Variants in TMCC1 observed in about 807,000 individuals in gnomAD.
TMCC1 encodes the protein transmembrane and coiled-coil domain family 1.
TMCC1 carries 15 observed loss-of-function variants against 52.4 expected under a neutral mutation model. The ratio of observed to expected loss-of-function variants is 0.29; its 90% CI spans 0.19 to 0.44. The LOEUF is 0.44. TMCC1 is among the 20% of genes least tolerant of loss of function. TMCC1 has a pLI of 1.00. For synonymous variants in TMCC1, 279 were observed against 301.9 expected (o/e 0.92, Z 0.79); for missense variants, 503 against 806.0 (o/e 0.62, Z 4.55).
intron 2 of TMCC1, among the ~76,000 whole-genome samples, chr3:129,846,892 AAAG>A (rs1344914968): frequency 1.3e-4 from 18 of 142,780 alleles, no homozygotes; most frequent in Non-Finnish European, 2.2e-4. Flanking sequence ...AAAAAAAAAA[AAAG>A]GGCAGGAGGA....
chr3:129,779,398 T>C (rs575603855), intron 4 of TMCC1, among the ~76,000 whole-genome samples: 172 of 152,304 alleles, frequency 1.1e-3, no homozygotes, highest in African/African-American at 3.6e-3. Flanking sequence ...CATTATCTCT[T>C]TCTCCAGGTG....
Position 129,671,175 on chromosome 3 carries a change from A to T in TMCC1, c.666T>A (p.Asp222Glu). 4 of 1,614,166 alleles carry T rather than the reference A, an allele frequency of 2.5e-6. No homozygotes were observed. The highest frequency in any genetic ancestry group is 3.4e-6 in the Non-Finnish European group (4 of 1,180,020). Residue 222 changes from aspartate (D) to glutamate (E), a missense_variant, in exon 5 of 7, where the codon GAT becomes GAA. Asp to Glu is a conservative substitution (Grantham distance 45, BLOSUM62 2). This residue lies in a region of TMCC1 where 217 missense variants were observed against 297.9 expected (regional missense o/e 0.73). Transcript: ENST00000393238. ...TDGSIHTDSV[D>E]GTPDPQRTKA... ...TTGTGCGCTGAGGGTCTGGTGTTCC[A>T]TCCACAGAGTCTGTGTGGATGCTGC...
rs192427336 is a variant in TMCC1 at position 129,652,574 on chromosome 3, T to G, written c.1648-779A>C. ...AGGCCATGCCAGACAAGGTTAAATC[T>G]CACCCTATAAACCATAAAATCTCAT... On this transcript the variant is annotated intron_variant, in intron 6 of 6. Transcript: ENST00000393238. Among the ~76,000 whole-genome samples the G allele has an allele frequency of 1.1e-4, 16 of 152,316 alleles. No individual in the cohort carries two copies. In the East Asian group the frequency reaches 2.9e-3, roughly 28 times the overall value.
intron 3 of TMCC1, among the ~76,000 whole-genome samples, chr3:129,829,445 T>A: frequency 9.2e-5 from 1 of 10,818 alleles, no homozygotes. Context: ...GTTACTAAAA[T>A]CACATGCAAA....
At chr3:129,846,082 CAT>C (rs1472264444) in intron 2 of TMCC1, among the ~76,000 whole-genome samples, 3 of 151,694 alleles carry the variant, frequency 2.0e-5, no homozygotes, top group Non-Finnish European at 4.4e-5. Flanking sequence ...CATCATGTGA[CAT>C]ATGTGGGGGC....
In TMCC1 at chr3:129,893,601, A is replaced by G. The variant is rs1005913884; in HGVS notation, c.-542T>C. The G allele has an allele frequency of 1.7e-5, 2 of 114,568 alleles. No homozygotes were observed. Among genetic ancestry groups the G allele is most frequent in the African/African-American group, 6.6e-5 (2 of 30,234 alleles). The allele number at this position is 114,568 out of a possible 1,614,324, so 7.1% of individuals were successfully genotyped here. On this transcript the variant is annotated 5_prime_UTR_variant, in exon 1 of 7. Coordinates refer to ENST00000393238, the MANE Select transcript of TMCC1 (RefSeq NM_001017395.5). ...CGCACCCGGTCCATCCCCCACAACCACCCCCCCCTCCCGACCCTCCCCCCG... is the reference window on the plus strand; with the variant it reads ...CGCACCCGGTCCATCCCCCACAACCGCCCCCCCCTCCCGACCCTCCCCCCG...
In TMCC1 at chr3:129,828,026, C is replaced by T. The variant is rs1377561223; in HGVS notation, c.353G>A (p.Gly118Glu). 6.2e-7 allele frequency: 1 copy of T among 1,614,144 alleles called. No individual in the cohort carries two copies. Among genetic ancestry groups the T allele is most frequent in the East Asian group, 2.2e-5 (1 of 44,888 alleles). ...GCCCCGCCTACTATGCAAGCTTGTCCCTCTCTTCATCTTGGGTGGCACTCG... is the reference window on the plus strand; with the variant it reads ...GCCCCGCCTACTATGCAAGCTTGTCTCTCTCTTCATCTTGGGTGGCACTCG... ...QIRVPPKMKR[G>E]TSLHSRRGKP... The change falls in exon 4 of 7, where the codon GGG becomes GAG. Residue 118 changes from glycine (G) to glutamate (E), a missense_variant. Around this residue, in one of 7 missense-constraint regions of TMCC1, gnomAD observed 217 missense variants for 297.9 expected, o/e 0.73. Coordinates refer to ENST00000393238, the MANE Select transcript of TMCC1 (RefSeq NM_001017395.5). The surrounding 1 kb of genome is among the most constrained non-coding windows in gnomAD (Gnocchi z 4.1).
intron 4 of TMCC1, among the ~76,000 whole-genome samples, chr3:129,712,141 C>T (rs1232797879): frequency 6.6e-6 from 1 of 152,018 alleles, no homozygotes; most frequent in Non-Finnish European, 1.5e-5. Flanking sequence ...CACACCACTG[C>T]ACTCCAGGCT....
chr3:129,818,600 T>C lies in TMCC1; in HGVS notation c.576+9203A>G, dbSNP rs533754221. Reference sequence around the variant, plus strand: ...TAAAGAAACTTTTAAAGAAAAGTTTTAAAGAAACTTTTAAAGAAAAGTTTT... The same window carrying C: ...TAAAGAAACTTTTAAAGAAAAGTTTCAAAGAAACTTTTAAAGAAAAGTTTT... On this transcript the variant is annotated intron_variant, in intron 4 of 6. Coordinates refer to ENST00000393238, the MANE Select transcript of TMCC1 (RefSeq NM_001017395.5). Among the ~76,000 whole-genome samples the C allele has an allele frequency of 1.6e-3, 152 of 93,106 alleles. 5 individuals are homozygous for C. Among genetic ancestry groups the C allele is most frequent in the African/African-American group, 7.2e-3 (130 of 18,100 alleles). 61.1% of individuals were successfully genotyped at this position (93,106 alleles called of 152,430 possible).
chr3:129,722,299 C>T (rs930421191), intron 4 of TMCC1, among the ~76,000 whole-genome samples: 1 of 152,082 alleles, frequency 6.6e-6, no homozygotes, highest in Admixed American at 6.6e-5. Flanking sequence ...ACTGCGCTTG[C>T]GAGGGATCTA....
At chr3:129,711,987 G>A (rs550041619) in intron 4 of TMCC1, among the ~76,000 whole-genome samples, 23 of 112,770 alleles carry the variant, frequency 2.0e-4, no homozygotes. Flanking sequence ...GGGCGACAGA[G>A]TGAGACTCTG....
intron 2 of TMCC1, among the ~76,000 whole-genome samples, chr3:129,862,368 T>C (rs1018927823): frequency 6.6e-6 from 1 of 152,088 alleles, no homozygotes; most frequent in Non-Finnish European, 1.5e-5. Context: ...TTAAGGTATA[T>C]AAAATATATC....
intron 3 of TMCC1, among the ~76,000 whole-genome samples, chr3:129,831,769 A>G (rs2058927771): frequency 6.6e-6 from 1 of 152,246 alleles, no homozygotes; most frequent in Admixed American, 6.5e-5. Flanking sequence ...AAAGTTGTAC[A>G]GGGACACCCT....
chr3:129,861,443 A>G (rs7621855), intron 2 of TMCC1, among the ~76,000 whole-genome samples: 1 of 151,664 alleles, frequency 6.6e-6, no homozygotes, highest in African/African-American at 2.4e-5. Context: ...CATCTCAAAA[A>G]AACAACAACA....
chr3:129,649,450 C>T lies in TMCC1; in HGVS notation c.*2031G>A, dbSNP rs951160222. The T allele has an allele frequency of 6.6e-6, 1 of 152,078 alleles. No individual in the cohort carries two copies. The highest frequency in any genetic ancestry group is 1.5e-5 in the Non-Finnish European group (1 of 67,972). The allele number at this position is 152,078 out of a possible 1,614,324, so 9.4% of individuals were successfully genotyped here. On this transcript the variant is annotated 3_prime_UTR_variant, in exon 7 of 7. Transcript: ENST00000393238. ...TTTTTTTTTTTAAAGAAAAAAAGCACCCTTGTGGCCCTGCTCTGGGTGCAG... is the reference window on the plus strand; with the variant it reads ...TTTTTTTTTTTAAAGAAAAAAAGCATCCTTGTGGCCCTGCTCTGGGTGCAG...
chr3:129,811,549 T>C (rs2057808369), intron 4 of TMCC1, among the ~76,000 whole-genome samples: 1 of 152,150 alleles, frequency 6.6e-6, no homozygotes, highest in Non-Finnish European at 1.5e-5. Flanking sequence ...ATTAGGGGCA[T>C]GAGCCACTGT....
intron 4 of TMCC1, among the ~76,000 whole-genome samples, chr3:129,679,798 G>A (rs776687422): frequency 9.9e-4 from 151 of 152,190 alleles, no homozygotes; most frequent in Non-Finnish European, 1.8e-3. Flanking sequence ...CTAAAATTGT[G>A]CATGGCACTT....
chr3:129,822,574 T>C (rs2058471350), intron 4 of TMCC1, among the ~76,000 whole-genome samples: 1 of 152,220 alleles, frequency 6.6e-6, no homozygotes, highest in Non-Finnish European at 1.5e-5. Context: ...AACTTTCCTT[T>C]CCCCTTTTCT....
At chr3:129,887,885 G>A (rs2061791355) in intron 1 of TMCC1, among the ~76,000 whole-genome samples, 1 of 152,162 alleles carries the variant, frequency 6.6e-6, no homozygotes, top group Non-Finnish European at 1.5e-5. Context: ...ACTTTAATGT[G>A]TGCAAATTCT....
Sources: gnomAD v4.1 joint callset for allele counts (sites outside exome capture counted in the v4.1 genomes callset) on GRCh38, gnomAD v4.1.1 for gene constraint, gnomAD v4.1.1 regional missense constraint, Gnocchi (gnomAD v3.1) non-coding constraint, MANE v1.5 for transcripts, NCBI Gene and HGNC (gene_info 2026-07-23, HGNC 2026-07-21) for gene names.